The following SESN1 variants were observed in gnomAD, a reference collection of about 807,000 sequenced individuals.
The protein encoded by SESN1 is sestrin 1.
SESN1 carries 30 observed loss-of-function variants against 59.3 expected under a neutral mutation model. The observed-to-expected ratio is 0.51, with a 90% CI of 0.38 to 0.69. The LOEUF (loss-of-function observed/expected upper bound fraction) is 0.69. Ranked by LOEUF, SESN1 falls within the 30% of genes least tolerant of loss-of-function variation. The pLI, the probability that SESN1 is intolerant of heterozygous loss-of-function variation, is 0.00. For missense variants in SESN1, 566 were observed against 673.0 expected, an observed-to-expected ratio of 0.84 and a Z score of 1.76; for synonymous variants, 197 against 219.9, an observed-to-expected ratio of 0.90 and a Z score of 0.92.
intron 1 of SESN1, among the ~76,000 whole-genome samples, chr6:109,057,777 A>G (rs1422690862): frequency 6.6e-6 from 1 of 152,216 alleles, no homozygotes; most frequent in Non-Finnish European, 1.5e-5. Context: ...TCCCTTTGAC[A>G]TACTAAAAAC....
chr6:109,035,913 T>C, intron 1 of SESN1, among the ~76,000 whole-genome samples: 1 of 152,182 alleles, frequency 6.6e-6, no homozygotes, highest in East Asian at 1.9e-4. Flanking sequence ...CTATCACATA[T>C]TAATGATTAA....
intron 8 of SESN1, among the ~76,000 whole-genome samples, chr6:108,989,590 GAGAT>G (rs1012872966): frequency 9.2e-5 from 13 of 141,952 alleles, no homozygotes; most frequent in South Asian, 2.3e-4. Flanking sequence ...TATATAGAGA[GAGAT>G]AGAGAGAGAT....
At chr6:109,000,256 C>A in intron 4 of SESN1, 1 of 333,300 alleles carries the variant, frequency 3.0e-6, no homozygotes, top group Admixed American at 4.8e-5. Flanking sequence ...ATGTGTAGAA[C>A]GATACAATGC....
chr6:109,000,504 T>C lies in SESN1; in HGVS notation c.716A>G (p.Lys239Arg). ...CCCACTGCTTACCTCAATGTGTTCT[T>C]TGGTAATAAGCCAAGGTCTATGGGC... Reference protein sequence around the residue: ...VLAHRPWLITKEHIEGLLKAE... With the variant: ...VLAHRPWLITREHIEGLLKAE... The change falls in exon 4 of 10, where the codon AAA (lysine) becomes AGA (arginine). Residue 239 changes from lysine (K) to arginine (R), a missense_variant. Coordinates refer to ENST00000436639, the MANE Select transcript of SESN1 (RefSeq NM_014454.3). 1 of 1,582,208 alleles carries C rather than the reference T, an allele frequency of 6.3e-7. No homozygotes were observed. Among genetic ancestry groups the C allele is most frequent in the Admixed American group, 1.8e-5 (1 of 56,740 alleles).
chr6:109,030,339 A>G (rs562750063), intron 1 of SESN1, among the ~76,000 whole-genome samples: 2 of 152,386 alleles, frequency 1.3e-5, no homozygotes, highest in South Asian at 4.1e-4. Flanking sequence ...CCACAAAGGC[A>G]TGATCAAGGC....
At chr6:109,011,684 A>G (rs953725765) in intron 1 of SESN1, among the ~76,000 whole-genome samples, 1 of 148,810 alleles carries the variant, frequency 6.7e-6, no homozygotes, top group African/African-American at 2.5e-5. Flanking sequence ...GGATGAGTGC[A>G]GTGGCATTAT....
intron 1 of SESN1, among the ~76,000 whole-genome samples, chr6:109,056,690 T>A (rs1295223675): frequency 6.6e-6 from 1 of 152,206 alleles, no homozygotes; most frequent in Non-Finnish European, 1.5e-5. Flanking sequence ...AACAGAAGTC[T>A]GCTAGCACTG....
chr6:109,052,335 A>G (rs2114443599), intron 1 of SESN1, among the ~76,000 whole-genome samples: 1 of 152,334 alleles, frequency 6.6e-6, no homozygotes, highest in Non-Finnish European at 1.5e-5. Context: ...GCAATGTTTT[A>G]CTGTAAAAGT....
intron 1 of SESN1, among the ~76,000 whole-genome samples, chr6:109,074,749 T>A (rs925792397): frequency 6.6e-6 from 1 of 152,300 alleles, no homozygotes; most frequent in East Asian, 1.9e-4. Context: ...TAATTCTCTT[T>A]CCCCTCAAAT....
At chr6:109,091,100 A>G (rs1482796704) in intron 1 of SESN1, among the ~76,000 whole-genome samples, 1 of 152,270 alleles carries the variant, frequency 6.6e-6, no homozygotes, top group Non-Finnish European at 1.5e-5. Flanking sequence ...TGAAAAAATA[A>G]TCTTCCTATA....
rs963026926 is a variant in SESN1, at chr6:109,063,140, T to C, written c.279+30655A>G. Among the ~76,000 whole-genome samples the C allele has an allele frequency of 9.2e-5, 14 of 152,092 alleles. No individual in the cohort carries two copies. In the East Asian group the frequency reaches 1.7e-3, roughly 19 times the overall value. ...TGTCTGAGTCCCAGGAGTCACCCTGTAGAGGTCGGGCAGGCTTCTGGCCTG... is the reference window on the plus strand; with the variant it reads ...TGTCTGAGTCCCAGGAGTCACCCTGCAGAGGTCGGGCAGGCTTCTGGCCTG... On this transcript the variant is annotated intron_variant, in intron 1 of 9. Transcript: ENST00000436639.
Position 108,985,063 on chromosome 6 carries a change from A to G in SESN1, c.*2481T>C, listed in dbSNP as rs1470898275. 1.3e-5 allele frequency among the ~76,000 whole-genome samples: 2 copies of G among 152,214 alleles called. No homozygotes were observed. Among genetic ancestry groups the G allele is most frequent in the African/African-American group, 4.8e-5 (2 of 41,444 alleles). On this transcript the variant is annotated 3_prime_UTR_variant, in exon 10 of 10. Transcript: ENST00000436639. ...AAAAAACTAGTATGATGATTCATAT[A>G]TGATATTCACATATACAAATATGCT...
chr6:109,040,801 C>T (rs1046515381), intron 1 of SESN1, among the ~76,000 whole-genome samples: 1 of 151,556 alleles, frequency 6.6e-6, no homozygotes, highest in East Asian at 2.0e-4. Flanking sequence ...TACAGGTGCA[C>T]GCGACCACGC....
chr6:109,057,072 T>C (rs936828068), intron 1 of SESN1, among the ~76,000 whole-genome samples: 2 of 152,130 alleles, frequency 1.3e-5, no homozygotes, highest in Non-Finnish European at 2.9e-5. Flanking sequence ...CTGACAGTCA[T>C]GTGAGTTAGT....
intron 8 of SESN1, 50 bp from the exon 9 acceptor site, chr6:108,988,737 T>C (rs763697596): frequency 1.4e-6 from 2 of 1,454,770 alleles, no homozygotes; most frequent in South Asian, 2.7e-5. Flanking sequence ...TATAACCTGT[T>C]TTCATCTTAC....
intron 1 of SESN1, among the ~76,000 whole-genome samples, chr6:109,022,137 A>T (rs11153152): frequency 0.19 from 29,558 of 151,592 alleles, 3,525 homozygotes; most frequent in African/African-American, 0.33. Flanking sequence ...TTTCCTATAG[A>T]GATGCACCCA....
chr6:109,008,890 C>T (rs1779791875), intron 1 of SESN1: 2 of 986,052 alleles, frequency 2.0e-6, no homozygotes, highest in Non-Finnish European at 2.4e-6. Context: ...TTTTTTCTTT[C>T]TCTCTCTTTT....
intron 1 of SESN1, among the ~76,000 whole-genome samples, chr6:109,067,487 A>G (rs1780854052): frequency 6.6e-6 from 1 of 152,236 alleles, no homozygotes; most frequent in South Asian, 2.1e-4. Flanking sequence ...CAAAGAAAAC[A>G]AAAAAGGAAT....
At chr6:109,054,084 TG>T (rs570022990) in intron 1 of SESN1, among the ~76,000 whole-genome samples, 4 of 151,114 alleles carry the variant, frequency 2.6e-5, no homozygotes, top group Admixed American at 6.6e-5. Flanking sequence ...CTTAATTTTT[TG>T]GGGGGGGAGG....
Sources: gnomAD v4.1 joint callset for allele counts (sites outside exome capture counted in the v4.1 genomes callset) on GRCh38, gnomAD v4.1.1 for gene constraint, MANE v1.5 for transcripts, NCBI Gene and HGNC (gene_info 2026-07-23, HGNC 2026-07-21) for gene names.